PTPRJ: variants seen among roughly 807,000 people sequenced by gnomAD.
The protein encoded by PTPRJ is receptor-type tyrosine-protein phosphatase eta.
PTPRJ carries 129 observed loss-of-function variants against 141.3 expected under a neutral mutation model. That is an observed-to-expected ratio of 0.91 (90% CI 0.79 to 1.06). The LOEUF is 1.06. Ranked by LOEUF, PTPRJ falls within the 50% of genes least tolerant of loss-of-function variation. The probability of loss-of-function intolerance (pLI) is 0.00; values close to 1 mark genes in which losing one functional copy is unlikely to be tolerated. For synonymous variants in PTPRJ, 610 were observed against 640.5 expected, an observed-to-expected ratio of 0.95 and a Z score of 0.72; for missense variants, 1,601 against 1,679.7, an observed-to-expected ratio of 0.95 and a Z score of 0.82.
intron 23 of PTPRJ, 21 bp downstream of exon 23, chr11:48,163,639 G>T: frequency 1.3e-6 from 2 of 1,599,964 alleles, no homozygotes; most frequent in Non-Finnish European, 1.7e-6. Flanking sequence ...GGCACGTCAC[G>T]TGTGACAGAT....
chr11:48,123,199 T>C (rs1856748790), intron 4 of PTPRJ, among the ~76,000 whole-genome samples: 1 of 152,268 alleles, frequency 6.6e-6, no homozygotes, highest in Admixed American at 6.5e-5. Flanking sequence ...TTATCTTGAA[T>C]TGAGACCTTT....
At chr11:48,019,236 A>G (rs1289263141) in intron 1 of PTPRJ, among the ~76,000 whole-genome samples, 3 of 152,102 alleles carry the variant, frequency 2.0e-5, no homozygotes, top group Non-Finnish European at 1.5e-5. Context: ...CTTGGCCTTT[A>G]TAACAACAGA....
chr11:48,126,981 T>C (rs1375041915), intron 6 of PTPRJ, among the ~76,000 whole-genome samples: 1 of 152,042 alleles, frequency 6.6e-6, no homozygotes. Flanking sequence ...GGACAGGGTG[T>C]TTCTGGAGCC....
chr11:48,144,808 A>C lies in PTPRJ; in HGVS notation c.2709A>C (p.Lys903Asn), dbSNP rs1157738485. ...GRSQSLSEVL[K>N]YEIDVGNEST... ...CTCAGAGCTTGTCTGAAGTTTTGAA[A>C]TATGAAATTGACGTTGGGAATGAGT... The change falls in exon 13 of 25, where the codon AAA (lysine) becomes AAC (asparagine). Residue 903 changes from lysine to asparagine, a missense_variant. Lys to Asn is a moderately conservative substitution (Grantham distance 94). Transcript: ENST00000418331. 2 of 1,614,096 alleles carry C rather than the reference A, an allele frequency of 1.2e-6. No individual in the cohort carries two copies. Among genetic ancestry groups the C allele is most frequent in the African/African-American group, 2.7e-5 (2 of 74,936 alleles).
intron 1 of PTPRJ, among the ~76,000 whole-genome samples, chr11:47,999,791 A>G (rs551295823): frequency 6.6e-6 from 1 of 152,098 alleles, no homozygotes; most frequent in African/African-American, 2.4e-5. Context: ...GAGAAGGAAA[A>G]CTAGGGGGGA....
intron 1 of PTPRJ, among the ~76,000 whole-genome samples, chr11:48,009,627 T>C (rs1854725119): frequency 6.6e-6 from 1 of 152,094 alleles, no homozygotes; most frequent in Non-Finnish European, 1.5e-5. Flanking sequence ...GAAACAAACG[T>C]TAGACTTGAA....
intron 1 of PTPRJ, among the ~76,000 whole-genome samples, chr11:48,033,271 G>C (rs1854034556): frequency 6.6e-6 from 1 of 152,122 alleles, no homozygotes; most frequent in African/African-American, 2.4e-5. Context: ...GAAGTGGAAT[G>C]AGCTGGGGGT....
At chr11:48,116,226 A>G (rs905189338) in intron 3 of PTPRJ, among the ~76,000 whole-genome samples, 2 of 152,246 alleles carry the variant, frequency 1.3e-5, no homozygotes, top group African/African-American at 4.8e-5. Flanking sequence ...AGGGATGGAA[A>G]AAGATACTCC....
At chr11:48,137,908 A>G (rs1857142377) in intron 10 of PTPRJ, among the ~76,000 whole-genome samples, 1 of 152,154 alleles carries the variant, frequency 6.6e-6, no homozygotes, top group Admixed American at 6.5e-5. Flanking sequence ...CTATCTCACA[A>G]CTGAAAATGT....
chr11:48,079,441 TGA>T (rs971231486), intron 1 of PTPRJ, among the ~76,000 whole-genome samples: 2 of 152,044 alleles, frequency 1.3e-5, no homozygotes, highest in Non-Finnish European at 2.9e-5. Context: ...TTTGTGTGTG[TGA>T]GTGATGCTGA....
chr11:48,056,474 T>C (rs1854754067), intron 1 of PTPRJ, among the ~76,000 whole-genome samples: 1 of 152,236 alleles, frequency 6.6e-6, no homozygotes, highest in African/African-American at 2.4e-5. Context: ...TGTTTAGTAA[T>C]GGCAGCTATT....
chr11:48,074,813 C>A (rs990745539), intron 1 of PTPRJ, among the ~76,000 whole-genome samples: 4 of 151,998 alleles, frequency 2.6e-5, no homozygotes, highest in African/African-American at 9.7e-5. Flanking sequence ...ATTCTAAGGC[C>A]CTTGCTGGAA....
chr11:48,136,424 C>T (rs1857104837), intron 9 of PTPRJ, 128 bp downstream of exon 9: 4 of 1,176,476 alleles, frequency 3.4e-6, no homozygotes, highest in Non-Finnish European at 4.8e-6. Flanking sequence ...AAGTTGAAAA[C>T]ATTGGTCTCA....
chr11:48,159,161 G>GTGTGTGTGTGTGTGTTTA lies in PTPRJ; in HGVS notation c.3439-769_3439-768insTGTGTGTGTGTGTGTTTA, dbSNP rs60389100. ...TGTGTGTGTGTGTGTGTGTGTGTGTGGTCATTTGCCAAATGGGTATTCAGA... is the reference window on the plus strand; with the variant it reads ...TGTGTGTGTGTGTGTGTGTGTGTGTGTGTGTGTGTGTGTGTTTAGTCATTTGCCAAATGGGTATTCAGA... On this transcript the variant is annotated intron_variant, in intron 21 of 24. Transcript: ENST00000418331. 2.1e-3 allele frequency among the ~76,000 whole-genome samples: 271 copies of GTGTGTGTGTGTGTGTTTA among 130,628 alleles called. 3 individuals carry two copies. The highest frequency in any genetic ancestry group is 2.7e-3 in the Non-Finnish European group (167 of 62,912). The allele number at this position is 130,628 out of a possible 152,430, so 85.7% of individuals were successfully genotyped here.
intron 3 of PTPRJ, among the ~76,000 whole-genome samples, chr11:48,114,727 A>T (rs1309943566): frequency 1.3e-5 from 2 of 152,194 alleles, no homozygotes; most frequent in East Asian, 3.9e-4. Context: ...GACCATAAAG[A>T]GATGGGAGAT....
chr11:48,153,114 C>A (rs11039547), intron 18 of PTPRJ, among the ~76,000 whole-genome samples: 2 of 152,032 alleles, frequency 1.3e-5, no homozygotes, highest in Non-Finnish European at 2.9e-5. Context: ...CAAATATTGC[C>A]GGGGAAGAAA....
chr11:48,119,200 A>G (rs967535636), intron 3 of PTPRJ, among the ~76,000 whole-genome samples: 10 of 152,096 alleles, frequency 6.6e-5, no homozygotes, highest in African/African-American at 1.2e-4. Flanking sequence ...CCTCGTCACC[A>G]TCATTGTTAT....
chr11:48,150,589 T>C (rs989491824), intron 18 of PTPRJ, among the ~76,000 whole-genome samples: 1 of 152,216 alleles, frequency 6.6e-6, no homozygotes, highest in Non-Finnish European at 1.5e-5. Flanking sequence ...CAGGGAACTG[T>C]TAGCCACAAT....
At chr11:48,110,405 C>G (rs1441633823) in intron 2 of PTPRJ, among the ~76,000 whole-genome samples, 1 of 151,960 alleles carries the variant, frequency 6.6e-6, no homozygotes, top group African/African-American at 2.4e-5. Flanking sequence ...ACGGGGCTTC[C>G]CCATGTTGGT....
Sources: allele counts gnomAD v4.1 joint callset (sites outside exome capture counted in the v4.1 genomes callset), GRCh38; gene constraint gnomAD v4.1.1; transcripts MANE v1.5; gene names NCBI Gene and HGNC (gene_info 2026-07-23, HGNC 2026-07-21).